Variants in SCRN1 observed in about 807,000 individuals in gnomAD.
SCRN1 encodes secernin 1.
A neutral mutation model predicts 43.3 loss-of-function variants in SCRN1; 19 were observed. The ratio of observed to expected loss-of-function variants is 0.44; its 90% CI spans 0.31 to 0.64. The LOEUF is 0.64. Among genes scored for constraint, SCRN1 ranks in the 30% least tolerant of loss-of-function variants. The pLI, the probability that SCRN1 is intolerant of heterozygous loss-of-function variation, is 0.09. For missense variants in SCRN1, 447 were observed against 524.1 expected, an observed-to-expected ratio of 0.85 and a Z score of 1.44; for synonymous variants, 183 against 188.9, an observed-to-expected ratio of 0.97 and a Z score of 0.26.
At chr7:29,990,128 G>A (rs1481790011), upstream of SCRN1, 10 of 1,551,266 alleles carry the variant, frequency 6.4e-6, no homozygotes, top group African/African-American at 2.7e-5. Flanking sequence ...TGGTTGCTAC[G>A]TCCGGGCCTC....
rs1002107404 is a variant in SCRN1 at position 29,986,565 on chromosome 7, TA to T, written c.-2+3076del. 4.0e-5 allele frequency among the ~76,000 whole-genome samples: 6 copies of T among 151,128 alleles called. No individual in the cohort carries two copies. In the East Asian group the frequency reaches 5.8e-4, roughly 15 times the overall value. ...ATCTAGACTCTAATGAAAACGGATT[TA>T]AAAAAAAATAACTTTTGTTTATCTG... On this transcript the variant is annotated intron_variant, in intron 1 of 7. Coordinates refer to ENST00000242059, the MANE Select transcript of SCRN1 (RefSeq NM_014766.5).
intron 1 of SCRN1, among the ~76,000 whole-genome samples, chr7:29,972,738 T>A (rs920041517): frequency 4.6e-5 from 7 of 152,240 alleles, no homozygotes; most frequent in African/African-American, 1.7e-4. Flanking sequence ...GCTTCAGAGA[T>A]GACTTTTCTG....
rs1320974233 is a variant in SCRN1 at position 29,921,251 on chromosome 7, A to G, written c.*2706T>C. On this transcript the variant is annotated 3_prime_UTR_variant, in exon 8 of 8. Coordinates refer to ENST00000242059, the MANE Select transcript of SCRN1 (RefSeq NM_014766.5). ...GCTACTTATACACTATGACCCTTAA[A>G]CATAATTTTTGTATTTCATCTTGAA... 2.0e-5 allele frequency: 3 copies of G among 152,688 alleles called. No individual in the cohort carries two copies. The highest frequency in any genetic ancestry group is 2.9e-5 in the Non-Finnish European group (2 of 68,044). The allele number at this position is 152,688 out of a possible 1,614,324, so 9.5% of individuals were successfully genotyped here. A position where few individuals can be genotyped will look rare whatever the true frequency, so the allele number is the denominator to read the frequency against.
intron 6 of SCRN1, among the ~76,000 whole-genome samples, chr7:29,927,304 G>A (rs1210973920): frequency 1.3e-5 from 2 of 152,050 alleles, no homozygotes; most frequent in Non-Finnish European, 1.5e-5. Context: ...ATGGCTGTGC[G>A]TATGCCTGCA....
chr7:29,955,904 C>T (rs1308401794), intron 2 of SCRN1, among the ~76,000 whole-genome samples: 2 of 152,210 alleles, frequency 1.3e-5, no homozygotes, highest in Non-Finnish European at 2.9e-5. Flanking sequence ...CATTTAACTA[C>T]TGCATTACAC....
intron 1 of SCRN1, among the ~76,000 whole-genome samples, chr7:29,971,166 C>T (rs1195998478): frequency 1.3e-5 from 2 of 152,218 alleles, no homozygotes; most frequent in Non-Finnish European, 2.9e-5. Flanking sequence ...GGATTCAAAA[C>T]TCAGCTCCAC....
chr7:29,926,008 A>G (rs1786939373), intron 7 of SCRN1, among the ~76,000 whole-genome samples: 1 of 152,232 alleles, frequency 6.6e-6, no homozygotes, highest in African/African-American at 2.4e-5. Flanking sequence ...AATGTTGTGC[A>G]ACCAGCACCA....
intron 5 of SCRN1, among the ~76,000 whole-genome samples, chr7:29,938,251 G>C (rs1583658257): frequency 6.6e-6 from 1 of 152,158 alleles, no homozygotes; most frequent in Non-Finnish European, 1.5e-5. Context: ...GGCTGCTCTT[G>C]AACTCCTGGC....
At chr7:29,966,645 G>A (rs1298101775) in intron 2 of SCRN1, among the ~76,000 whole-genome samples, 1 of 152,090 alleles carries the variant, frequency 6.6e-6, no homozygotes, top group African/African-American at 2.4e-5. Flanking sequence ...GCTCACCAGG[G>A]AACCTAGCAC....
At chr7:29,987,020 G>A (rs1357796911) in intron 1 of SCRN1, among the ~76,000 whole-genome samples, 1 of 152,142 alleles carries the variant, frequency 6.6e-6, no homozygotes, top group South Asian at 2.1e-4. Context: ...CACCGCGCCC[G>A]GCTGCAAGTT....
At position 29,955,210 on chromosome 7, in the gene SCRN1, T is replaced by C; in HGVS notation, c.310A>G (p.Ile104Val). Residue 104 changes from isoleucine to valine, a missense_variant, in exon 3 of 8, where the codon ATA becomes GTA. Transcript: ENST00000242059. Reference sequence around the variant, plus strand: ...AGATCCATCCCCAGCAAGGCTTCTATCTCGGCAGCTGGCTCTCTGGTGTTG... The same window carrying C: ...AGATCCATCCCCAGCAAGGCTTCTACCTCGGCAGCTGGCTCTCTGGTGTTG... Reference protein sequence around the residue: ...AINTREPAAEIEALLGMDLVR... With the variant: ...AINTREPAAEVEALLGMDLVR... 6.2e-7 allele frequency: 1 copy of C among 1,614,172 alleles called. No homozygotes were observed. Among genetic ancestry groups the C allele is most frequent in the Non-Finnish European group, 8.5e-7 (1 of 1,180,016 alleles).
intron 6 of SCRN1, among the ~76,000 whole-genome samples, chr7:29,935,873 T>C (rs1184338130): frequency 6.6e-6 from 1 of 152,226 alleles, no homozygotes; most frequent in African/African-American, 2.4e-5. Context: ...GGGGCTGATA[T>C]TATCCCCATT....
intron 2 of SCRN1, among the ~76,000 whole-genome samples, chr7:29,958,683 T>C (rs773220260): frequency 6.6e-6 from 1 of 152,246 alleles, no homozygotes; most frequent in Non-Finnish European, 1.5e-5. Flanking sequence ...GGTCTCACCT[T>C]TGGTTATTAA....
At chr7:29,934,187 G>A (rs1348531329) in intron 6 of SCRN1, among the ~76,000 whole-genome samples, 4 of 152,060 alleles carry the variant, frequency 2.6e-5, no homozygotes, top group Non-Finnish European at 5.9e-5. Flanking sequence ...TATAATACAA[G>A]GTTTTTAAAA....
At chr7:29,925,699 G>T (rs184233071) in intron 7 of SCRN1, among the ~76,000 whole-genome samples, 1 of 151,894 alleles carries the variant, frequency 6.6e-6, no homozygotes, top group African/African-American at 2.4e-5. Flanking sequence ...GAAGGATTAC[G>T]ACTTCTTTTT....
intron 2 of SCRN1, among the ~76,000 whole-genome samples, chr7:29,966,965 G>A (rs1788517333): frequency 6.6e-6 from 1 of 151,730 alleles, no homozygotes; most frequent in Non-Finnish European, 1.5e-5. Context: ...ATACACATTG[G>A]ATGTAATGGA....
intron 3 of SCRN1, chr7:29,947,253 T>C: frequency 6.4e-7 from 1 of 1,550,756 alleles, no homozygotes; most frequent in Non-Finnish European, 8.7e-7. Flanking sequence ...AATCTTTCCC[T>C]GGGAGCCCAT....
At chr7:29,959,034 G>C (rs975753625) in intron 2 of SCRN1, among the ~76,000 whole-genome samples, 1 of 152,156 alleles carries the variant, frequency 6.6e-6, no homozygotes, top group Non-Finnish European at 1.5e-5. Flanking sequence ...TCATTATTTT[G>C]TGAGATTACG....
chr7:29,933,780 G>A (rs1210588481), intron 6 of SCRN1, among the ~76,000 whole-genome samples: 1 of 152,194 alleles, frequency 6.6e-6, no homozygotes, highest in East Asian at 1.9e-4. Context: ...TCAAGGACAA[G>A]ATCTATAATT....
Sources: allele counts gnomAD v4.1 joint callset (sites outside exome capture counted in the v4.1 genomes callset), GRCh38; gene constraint gnomAD v4.1.1; transcripts MANE v1.5; gene names NCBI Gene and HGNC (gene_info 2026-07-23, HGNC 2026-07-21).